Variants in DMD observed in about 807,000 individuals in gnomAD.
DMD encodes dystrophin, also known as mutant dystrophin.
A neutral mutation model predicts 330.1 loss-of-function variants in DMD; 63 were observed. The observed-to-expected ratio is 0.19, with a 90% confidence interval of 0.16 to 0.24. The LOEUF is 0.24. Ranked by LOEUF, DMD falls within the 10% of genes least tolerant of loss-of-function variation. The pLI is 1.00. For missense variants in DMD, 3,344 were observed against 2,684.1 expected, an observed-to-expected ratio of 1.25 and a Z score of -5.43; for synonymous variants, 1,223 against 959.8, an observed-to-expected ratio of 1.27 and a Z score of -5.07.
intron 9 of DMD, among the ~76,000 whole-genome samples, chrX:32,649,121 T>A (rs1410014807): frequency 9.0e-6 from 1 of 110,499 alleles, no homozygotes; most frequent in Non-Finnish European, 1.9e-5. Flanking sequence ...TGTTTTTGTT[T>A]TTTTTTTTTC....
intron 13 of DMD, among the ~76,000 whole-genome samples, chrX:32,590,702 T>TA (rs2054810880): frequency 9.0e-6 from 1 of 111,688 alleles, no homozygotes; most frequent in Non-Finnish European, 1.9e-5. Context: ...CTGGGGGACT[T>TA]ACACCAGTGA....
Position 32,855,098 on chromosome X carries a change from T to A in DMD, c.94-5278A>T, listed in dbSNP as rs187150029. Among the ~76,000 whole-genome samples, 8 of 111,978 alleles carry A rather than the reference T, an allele frequency of 7.1e-5. No homozygotes were observed. The East Asian group carries it at 2.2e-3, about 31-fold the overall frequency. On this transcript the variant is annotated intron_variant, in intron 2 of 78. Coordinates refer to ENST00000357033, the MANE Select transcript of DMD (RefSeq NM_004006.3). ...AAAACCATATCATTTCAATAGATGC[T>A]GAAAAAGCATTTGATAAAAATTCAA...
At chrX:32,186,835 G>A (rs1020292436) in intron 44 of DMD, among the ~76,000 whole-genome samples, 4 of 110,688 alleles carry the variant, frequency 3.6e-5, no homozygotes, top group South Asian at 3.7e-4. Flanking sequence ...GGCAATTTCT[G>A]GCAGGTGGGG....
At chrX:31,728,797 A>T (rs1835851080) in intron 52 of DMD, among the ~76,000 whole-genome samples, 1 of 111,945 alleles carries the variant, frequency 8.9e-6, no homozygotes, top group Admixed American at 9.5e-5. Flanking sequence ...ATGAGGGGAT[A>T]TTGCAGAGGA....
chrX:32,193,284 A>G (rs2096984017), intron 44 of DMD, among the ~76,000 whole-genome samples: 1 of 112,220 alleles, frequency 8.9e-6, no homozygotes, highest in Non-Finnish European at 1.9e-5. Flanking sequence ...CAATGCAAGA[A>G]AAGATTAATA....
chrX:31,749,146 T>C (rs1845287745), intron 51 of DMD, among the ~76,000 whole-genome samples: 1 of 110,176 alleles, frequency 9.1e-6, no homozygotes. Context: ...ATTTTATTAT[T>C]ATTATTATTA....
At chrX:32,337,589 A>G (rs1187203560) in intron 41 of DMD, among the ~76,000 whole-genome samples, 2 of 110,154 alleles carry the variant, frequency 1.8e-5, no homozygotes, top group Non-Finnish European at 3.8e-5. Flanking sequence ...CTTTTTTGCT[A>G]TCTAGAAACA....
At position 31,658,068 on chromosome X, in the gene DMD, T is replaced by C. The variant is rs779628825; in HGVS notation, c.7949A>G (p.Asp2650Gly). Residue 2650 changes from aspartate (D) to glycine (G), a missense_variant, in exon 54 of 79, where the codon GAT becomes GGT. Coordinates refer to ENST00000357033, the MANE Select transcript of DMD (RefSeq NM_004006.3). The part of the protein sequence containing the change: ...ANDLALKLLR[D>G]YSADDTRKVH... ...TTTTCTGGTATCATCTGCAGAATAA[T>C]CCCGGAGAAGTTTCAGGGCCAAGTC... 1 of 1,210,125 alleles carries C rather than the reference T, an allele frequency of 8.3e-7. No homozygotes were observed. The highest frequency in any genetic ancestry group is 1.7e-5 in the African/African-American group (1 of 57,252).
At chrX:32,074,882 A>G (rs765744377) in intron 44 of DMD, among the ~76,000 whole-genome samples, 6 of 84,765 alleles carry the variant, frequency 7.1e-5, no homozygotes, top group African/African-American at 2.2e-4. Flanking sequence ...CAACAACGAC[A>G]ACAACAACAA....
At chrX:32,668,493 G>T (rs770079291) in intron 9 of DMD, among the ~76,000 whole-genome samples, 6 of 111,975 alleles carry the variant, frequency 5.4e-5, no homozygotes, top group South Asian at 3.7e-4. Flanking sequence ...TGGCTTAAAA[G>T]GTTCCTTCGC....
chrX:33,081,009 A>ACACACACACACACAC (rs1475097752), intron 1 of DMD, among the ~76,000 whole-genome samples: 4 of 88,084 alleles, frequency 4.5e-5, no homozygotes, highest in African/African-American at 1.9e-4. Flanking sequence ...CACACACACA[A>ACACACACACACACAC]AAACACATGT....
chrX:32,248,757 T>G (rs2097252228), intron 43 of DMD, among the ~76,000 whole-genome samples: 1 of 111,098 alleles, frequency 9.0e-6, no homozygotes, highest in Non-Finnish European at 1.9e-5. Flanking sequence ...AAGAATAACT[T>G]GGTGTGACTT....
chrX:32,774,649 G>A (rs2073963388), intron 7 of DMD, among the ~76,000 whole-genome samples: 1 of 110,790 alleles, frequency 9.0e-6, no homozygotes, highest in Non-Finnish European at 1.9e-5. Context: ...TATCATGAGT[G>A]CAGCATAGGG....
At chrX:31,508,534 G>T in intron 55 of DMD, 1 of 184,764 alleles carries the variant, frequency 5.4e-6, no homozygotes, top group Non-Finnish European at 1.0e-5. Context: ...GCCATTACAA[G>T]CCAGAGACAT....
At chrX:32,698,100 T>C in intron 8 of DMD, 102 bp from the exon 9 acceptor site, 1 of 893,003 alleles carries the variant, frequency 1.1e-6, no homozygotes, top group East Asian at 3.4e-5. Flanking sequence ...GAACATTAAA[T>C]GGAAATGGTG....
At chrX:32,332,413 AGTGTGTGT>A (rs111973319) in intron 41 of DMD, among the ~76,000 whole-genome samples, 14 of 95,347 alleles carry the variant, frequency 1.5e-4, no homozygotes, top group Admixed American at 4.8e-4. Context: ...ATGGATAAAA[AGTGTGTGT>A]GTGTGTGTGT....
chrX:31,658,343 T>G (rs995602587), intron 53 of DMD, among the ~76,000 whole-genome samples, 199 bp from the exon 54 acceptor site: 29 of 112,103 alleles, frequency 2.6e-4, no homozygotes, highest in African/African-American at 9.4e-4. Context: ...ACTTTTCAAA[T>G]GCAGCATCTT....
intron 51 of DMD, among the ~76,000 whole-genome samples, chrX:31,770,616 C>A (rs2090280539): frequency 8.9e-6 from 1 of 111,743 alleles, no homozygotes; most frequent in African/African-American, 3.3e-5. Flanking sequence ...TTAGTTTTCC[C>A]TGAAGAAAGC....
At position 31,209,538 on chromosome X, in the gene DMD, C is replaced by T. The variant is rs1332708845; in HGVS notation, c.9523G>A (p.Val3175Met). 6 of 1,211,182 alleles carry T rather than the reference C, an allele frequency of 5.0e-6. No individual in the cohort carries two copies. The highest frequency in any genetic ancestry group is 2.3e-4 in the Middle Eastern group (1 of 4,355). Residue 3175 changes from valine to methionine, a missense_variant, in exon 65 of 79, where the codon GTG becomes ATG. Physicochemically the swap from Val to Met is conservative, Grantham distance 21. Transcript: ENST00000357033. Reference sequence around the variant, plus strand: ...AGCAGCCAGTTCAGACACATATCCACGCAGAGAGGGACGTTGACCAAATTG... The same window carrying T: ...AGCAGCCAGTTCAGACACATATCCATGCAGAGAGGGACGTTGACCAAATTG... ...HNNLVNVPLC[V>M]DMCLNWLLNV... is the part of the protein sequence containing the mutation.
Sources: allele counts gnomAD v4.1 joint callset (sites outside exome capture counted in the v4.1 genomes callset), GRCh38; gene constraint gnomAD v4.1.1; transcripts MANE v1.5; gene names NCBI Gene and HGNC (gene_info 2026-07-23, HGNC 2026-07-21).